The following SKAP1 variants were observed in gnomAD, a reference collection of about 807,000 sequenced individuals.
SKAP1 encodes the protein src kinase-associated phosphoprotein 1.
A neutral mutation model predicts 58.5 loss-of-function variants in SKAP1; 44 were observed. The observed-to-expected ratio is 0.75, with a 90% CI of 0.59 to 0.97. The LOEUF (loss-of-function observed/expected upper bound fraction) is 0.97. Among genes scored for constraint, SKAP1 ranks in the 50% least tolerant of loss-of-function variants. SKAP1 has a pLI of 0.00. For missense variants in SKAP1, 390 were observed against 435.2 expected (o/e 0.90, Z 0.92); for synonymous variants, 127 against 149.7 (o/e 0.85, Z 1.11).
At chr17:48,310,172 C>T (rs1380119027) in intron 4 of SKAP1, among the ~76,000 whole-genome samples, 1 of 152,126 alleles carries the variant, frequency 6.6e-6, no homozygotes, top group African/African-American at 2.4e-5. Flanking sequence ...TTAACAAAAC[C>T]CTTTAACGAA....
chr17:48,220,868 A>AG (rs1598438905), intron 4 of SKAP1, among the ~76,000 whole-genome samples: 4 of 123,940 alleles, frequency 3.2e-5, no homozygotes, highest in South Asian at 5.9e-4. Flanking sequence ...AAAAAAAAAA[A>AG]AAAAAAAAAG....
chr17:48,411,624 T>C (rs568157135), intron 1 of SKAP1, among the ~76,000 whole-genome samples: 1 of 152,192 alleles, frequency 6.6e-6, no homozygotes, highest in East Asian at 1.9e-4. Flanking sequence ...ACAAACATCA[T>C]ATCAGCCAGG....
chr17:48,374,328 T>C (rs1051715895), intron 2 of SKAP1, among the ~76,000 whole-genome samples: 2 of 151,726 alleles, frequency 1.3e-5, no homozygotes, highest in African/African-American at 4.8e-5. Flanking sequence ...ATGTGAGCCA[T>C]TGCATTCAGC....
At chr17:48,201,056 G>T (rs1014584381) in intron 4 of SKAP1, among the ~76,000 whole-genome samples, 1 of 152,004 alleles carries the variant, frequency 6.6e-6, no homozygotes, top group African/African-American at 2.4e-5. Flanking sequence ...TTAATCTTAG[G>T]GTTGGTATCA....
At chr17:48,322,711 T>C (rs2066384299) in intron 4 of SKAP1, among the ~76,000 whole-genome samples, 1 of 152,232 alleles carries the variant, frequency 6.6e-6, no homozygotes, top group South Asian at 2.1e-4. Flanking sequence ...ATGTCAGAAC[T>C]GTGTCTCATG....
At chr17:48,156,443 A>T in intron 11 of SKAP1, 1 of 527,010 alleles carries the variant, frequency 1.9e-6, no homozygotes, top group Non-Finnish European at 3.9e-6. Context: ...CCAGCGCCAC[A>T]ATCTGGAGCC....
chr17:48,170,354 C>G (rs1437589747), intron 10 of SKAP1, among the ~76,000 whole-genome samples: 1 of 152,144 alleles, frequency 6.6e-6, no homozygotes, highest in Admixed American at 6.5e-5. Context: ...AAATAAATGT[C>G]TGGTTTGGCT....
chr17:48,357,493 G>A (rs1217817963), intron 3 of SKAP1, among the ~76,000 whole-genome samples: 1 of 152,010 alleles, frequency 6.6e-6, no homozygotes, highest in Non-Finnish European at 1.5e-5. Context: ...AGCCGGGCGT[G>A]GTGGCGGGCG....
In SKAP1 at chr17:48,324,853, G is replaced by T. The variant is rs191540582; in HGVS notation, c.280+21052C>A. Among the ~76,000 whole-genome samples the T allele has an allele frequency of 5.0e-4, 76 of 152,108 alleles. 1 individual carries two copies. The highest frequency in any genetic ancestry group is 1.3e-3 in the Admixed American group (20 of 15,264). On this transcript the variant is annotated intron_variant, in intron 4 of 12. Transcript: ENST00000336915. ...ACCAAACTATTTACCCACCTGCAGC[G>T]TGTGGTCACTCCCTATACTTTTACC... is the stretch of plus-strand genomic sequence containing the variant.
intron 4 of SKAP1, among the ~76,000 whole-genome samples, chr17:48,316,092 T>C (rs2066282129): frequency 6.6e-6 from 1 of 152,228 alleles, no homozygotes; most frequent in Admixed American, 6.5e-5. Flanking sequence ...AAATCAATTC[T>C]ACAAAGAATA....
intron 3 of SKAP1, among the ~76,000 whole-genome samples, chr17:48,360,483 T>C (rs760186163): frequency 6.6e-6 from 1 of 152,122 alleles, no homozygotes; most frequent in Non-Finnish European, 1.5e-5. Flanking sequence ...TTACTGAAAT[T>C]ATAAAAATTC....
chr17:48,348,679 T>C (rs1216815377), intron 3 of SKAP1, among the ~76,000 whole-genome samples: 1 of 152,192 alleles, frequency 6.6e-6, no homozygotes, highest in African/African-American at 2.4e-5. Flanking sequence ...TGGGATCCAA[T>C]CCAGGGTATC....
intron 2 of SKAP1, among the ~76,000 whole-genome samples, chr17:48,380,659 A>C (rs1271953698): frequency 6.6e-6 from 1 of 152,190 alleles, no homozygotes; most frequent in Non-Finnish European, 1.5e-5. Context: ...AAATACGATA[A>C]AGGAAACAGA....
rs1306846912 is a variant in SKAP1, at chr17:48,206,821, G to T, written c.281-17321C>A. Reference sequence around the variant, plus strand: ...AGGGTGACTGCTTGTAGTATTATTTGATTAAAAAAAATTTTTTTGGAAATG... The same window carrying T: ...AGGGTGACTGCTTGTAGTATTATTTTATTAAAAAAAATTTTTTTGGAAATG... On this transcript the variant is annotated intron_variant, in intron 4 of 12. Transcript: ENST00000336915. Among the ~76,000 whole-genome samples the T allele has an allele frequency of 3.3e-5, 5 of 152,036 alleles. No homozygotes were observed. The East Asian group carries it at 9.7e-4, about 29-fold the overall frequency.
intron 4 of SKAP1, among the ~76,000 whole-genome samples, chr17:48,330,824 G>GA (rs576009056): frequency 0.16 from 22,927 of 144,886 alleles, 2,334 homozygotes; most frequent in Non-Finnish European, 0.23. Flanking sequence ...CCAGGGGGCG[G>GA]AAAAAAAAAA....
chr17:48,208,390 A>G (rs1022337310), intron 4 of SKAP1, among the ~76,000 whole-genome samples: 15 of 152,192 alleles, frequency 9.9e-5, no homozygotes, highest in African/African-American at 3.4e-4. Flanking sequence ...TTGTCTAACG[A>G]CTGAAGGTAT....
chr17:48,408,774 T>C (rs1280438656), intron 1 of SKAP1, among the ~76,000 whole-genome samples: 39 of 152,214 alleles, frequency 2.6e-4, no homozygotes, highest in Admixed American at 2.6e-3. Flanking sequence ...CAAAACTTTA[T>C]GACTAAGATA....
chr17:48,346,090 T>G (rs1298161704), intron 3 of SKAP1, 84 bp from the exon 4 acceptor site: 3 of 738,362 alleles, frequency 4.1e-6, no homozygotes, highest in East Asian at 2.9e-5. Context: ...GATCTATGTA[T>G]GATCTCTTCC....
chr17:48,216,600 TCTCAC>T (rs2064942363), intron 4 of SKAP1, among the ~76,000 whole-genome samples: 1 of 151,988 alleles, frequency 6.6e-6, no homozygotes, highest in Non-Finnish European at 1.5e-5. Context: ...CAAGGGATCC[TCTCAC>T]CTCAGCCTCC....
Sources: allele counts gnomAD v4.1 joint callset (sites outside exome capture counted in the v4.1 genomes callset), GRCh38; gene constraint gnomAD v4.1.1; transcripts MANE v1.5; gene names NCBI Gene and HGNC (gene_info 2026-07-23, HGNC 2026-07-21).